HAO1: variants seen among roughly 807,000 people sequenced by gnomAD.
HAO1 encodes 2-Hydroxyacid oxidase 1.
HAO1 carries 34 observed loss-of-function variants against 39.7 expected under a neutral mutation model. The observed-to-expected ratio is 0.86, with a 90% CI of 0.65 to 1.14. The LOEUF is 1.14. Ranked by LOEUF, HAO1 falls within the 50% of genes most tolerant of loss-of-function variation. The pLI is 0.00. For missense variants in HAO1, 479 were observed against 464.5 expected (o/e 1.03, Z -0.29); for synonymous variants, 172 against 173.2 (o/e 0.99, Z 0.05).
chr20:7,899,715 G>A (rs970972820), intron 4 of HAO1, among the ~76,000 whole-genome samples: 13 of 152,048 alleles, frequency 8.5e-5, no homozygotes, highest in Non-Finnish European at 1.2e-4. Flanking sequence ...ATGCAGCCTC[G>A]TCCACAGTTT....
At chr20:7,921,835 T>C (rs2050334469) in intron 2 of HAO1, among the ~76,000 whole-genome samples, 1 of 152,114 alleles carries the variant, frequency 6.6e-6, no homozygotes, top group Non-Finnish European at 1.5e-5. Context: ...ATCAATAACC[T>C]AAGTGAATTA....
chr20:7,926,049 ATG>A (rs1235370557), intron 2 of HAO1, among the ~76,000 whole-genome samples: 2 of 152,024 alleles, frequency 1.3e-5, no homozygotes, highest in Non-Finnish European at 2.9e-5. Flanking sequence ...TGTAATACGG[ATG>A]TGTGTTTGTG....
intron 2 of HAO1, among the ~76,000 whole-genome samples, chr20:7,926,151 C>T (rs1332124438): frequency 6.6e-6 from 1 of 152,114 alleles, no homozygotes; most frequent in African/African-American, 2.4e-5. Context: ...AATTTGGTTA[C>T]ACTTTAGAGT....
intron 4 of HAO1, among the ~76,000 whole-genome samples, chr20:7,895,475 A>C (rs2050192991): frequency 6.6e-6 from 1 of 152,180 alleles, no homozygotes; most frequent in South Asian, 2.1e-4. Context: ...TCAATAGATA[A>C]TACATTGACA....
intron 5 of HAO1, among the ~76,000 whole-genome samples, chr20:7,894,322 T>C (rs1007288647): frequency 2.0e-5 from 3 of 152,198 alleles, no homozygotes; most frequent in Non-Finnish European, 4.4e-5. Flanking sequence ...ACAGTTGTAT[T>C]CAGTCCCACA....
chr20:7,902,811 G>A (rs936470237), intron 4 of HAO1, among the ~76,000 whole-genome samples: 1 of 152,204 alleles, frequency 6.6e-6, no homozygotes, highest in South Asian at 2.1e-4. Flanking sequence ...TCTGTCTTAA[G>A]TACATGTTAG....
intron 2 of HAO1, among the ~76,000 whole-genome samples, chr20:7,930,329 T>A (rs2050380100): frequency 6.6e-6 from 1 of 152,200 alleles, no homozygotes; most frequent in African/African-American, 2.4e-5. Context: ...TTCCATATTC[T>A]TTCTGGGAAT....
chr20:7,885,410 T>C, intron 7 of HAO1, 111 bp downstream of exon 7: 2 of 718,772 alleles, frequency 2.8e-6, no homozygotes, highest in Non-Finnish European at 4.9e-6. Flanking sequence ...TCAAATTTAA[T>C]GTACTCAAAT....
chr20:7,906,393 T>G (rs1643988739), intron 3 of HAO1, 64 bp from the exon 4 acceptor site: 3 of 904,988 alleles, frequency 3.3e-6, no homozygotes, highest in South Asian at 1.4e-5. Context: ...CAATGATTCA[T>G]TCAATGAAAA....
At chr20:7,923,327 G>T (rs1264157887) in intron 2 of HAO1, among the ~76,000 whole-genome samples, 1 of 152,080 alleles carries the variant, frequency 6.6e-6, no homozygotes, top group Non-Finnish European at 1.5e-5. Context: ...GCAGAGTTTT[G>T]TTTTGTTTGT....
chr20:7,934,680 G>A (rs8119321), intron 1 of HAO1, 45 bp from the exon 2 acceptor site: 38,855 of 1,238,036 alleles, frequency 0.031, 758 homozygotes, highest in African/African-American at 0.063. Context: ...TAGAGTTTCA[G>A]AATCATAACC....
intron 1 of HAO1, among the ~76,000 whole-genome samples, chr20:7,936,548 TCGCGCGCG>T (rs376229165): frequency 2.0e-5 from 1 of 50,722 alleles, no homozygotes; most frequent in Admixed American, 2.3e-4. Flanking sequence ...GTGTGTGTGT[TCGCGCGCG>T]CGCGCGCGCG....
rs1381766121 is a variant in HAO1 at position 7,885,590 on chromosome 20, C to T, written c.973G>A (p.Gly325Arg). 6.2e-6 allele frequency: 10 copies of T among 1,608,796 alleles called. No individual in the cohort carries two copies. The highest frequency in any genetic ancestry group is 1.7e-4 in the Middle Eastern group (1 of 6,038). ...AGGACATCTTGAACACCTTTCTCCC[C>T]CTAACCAAGTGAAAAGATACAGAGT... ...RPIVWGLAFQ[G>R]EKGVQDVLEI... Residue 325 changes from glycine (G) to arginine (R), a missense_variant and splice_region_variant, in exon 7 of 8, where the codon GGG (glycine) becomes AGG (arginine). Transcript: ENST00000378789.
rs34048209 is a variant in HAO1, at chr20:7,908,393, TAA to T, written c.546-2066_546-2065del. ...GACAGAGCAAGACTCTGTCTCAAAA[TAA>T]AAAAAAAAAAAAAATTATATATTAT... On this transcript the variant is annotated intron_variant, in intron 3 of 7. Coordinates refer to ENST00000378789, the MANE Select transcript of HAO1 (RefSeq NM_017545.3). Among the ~76,000 whole-genome samples, 964 of 119,030 alleles carry T rather than the reference TAA, an allele frequency of 8.1e-3. 7 individuals are homozygous for T. Among genetic ancestry groups the T allele is most frequent in the African/African-American group, 0.02 (679 of 33,992 alleles). The allele number at this position is 119,030 out of a possible 152,430, so 78.1% of individuals were successfully genotyped here.
In HAO1 at chr20:7,940,400, A is replaced by G; in HGVS notation, c.23T>C (p.Ile8Thr). Residue 8 changes from isoleucine to threonine, a missense_variant, in exon 1 of 8, where the codon ATC becomes ACC. By Grantham distance (89) the Ile-to-Thr change is moderately conservative. Coordinates refer to ENST00000378789, the MANE Select transcript of HAO1 (RefSeq NM_017545.3). MLPRLIC[I>T]NDYEQHAKSV... ...TTTAGCATGTTGTTCATAATCATTG[A>G]TACAAATTAGCCGGGGGAGCATTTT... is the stretch of plus-strand genomic sequence containing the variant. 6.2e-7 allele frequency: 1 copy of G among 1,610,302 alleles called. No individual in the cohort carries two copies. The highest frequency in any genetic ancestry group is 8.5e-7 in the Non-Finnish European group (1 of 1,178,822).
chr20:7,926,133 A>G (rs963359061), intron 2 of HAO1, among the ~76,000 whole-genome samples: 5 of 152,142 alleles, frequency 3.3e-5, no homozygotes, highest in Non-Finnish European at 5.9e-5. Context: ...AGCAAGTCTA[A>G]AACATAAAAT....
At chr20:7,921,193 G>T (rs2050330399) in intron 2 of HAO1, among the ~76,000 whole-genome samples, 2 of 152,008 alleles carry the variant, frequency 1.3e-5, no homozygotes, top group South Asian at 4.1e-4. Flanking sequence ...GAAAATATTT[G>T]CATACTATGC....
At chr20:7,933,588 T>C (rs2050396340) in intron 2 of HAO1, among the ~76,000 whole-genome samples, 1 of 152,238 alleles carries the variant, frequency 6.6e-6, no homozygotes, top group African/African-American at 2.4e-5. Flanking sequence ...CTGATATCCC[T>C]GACAGAATTT....
chr20:7,918,301 G>C (rs770730985), intron 2 of HAO1, among the ~76,000 whole-genome samples: 1 of 152,150 alleles, frequency 6.6e-6, no homozygotes, highest in Non-Finnish European at 1.5e-5. Flanking sequence ...TTTTAATACA[G>C]TTTTATGTTA....
Sources: allele counts gnomAD v4.1 joint callset (sites outside exome capture counted in the v4.1 genomes callset), GRCh38; gene constraint gnomAD v4.1.1; transcripts MANE v1.5; gene names NCBI Gene and HGNC (gene_info 2026-07-23, HGNC 2026-07-21).